The following KAT6B variants were observed in gnomAD, a reference collection of about 807,000 sequenced individuals.
The protein encoded by KAT6B is lysine acetyltransferase 6B.
A neutral mutation model predicts 187.5 loss-of-function variants in KAT6B; 10 were observed. The ratio of observed to expected loss-of-function variants is 0.05; its 90% CI spans 0.03 to 0.09. The LOEUF is 0.09. Among genes scored for constraint, KAT6B ranks in the 10% least tolerant of loss-of-function variants. The pLI, the probability that KAT6B is intolerant of heterozygous loss-of-function variation, is 1.00. For missense variants in KAT6B, 1,952 were observed against 2,558.9 expected, an observed-to-expected ratio of 0.76 and a Z score of 5.12; for synonymous variants, 861 against 926.8, an observed-to-expected ratio of 0.93 and a Z score of 1.29.
At chr10:75,006,999 C>T (rs945921699) in intron 13 of KAT6B, among the ~76,000 whole-genome samples, 8 of 147,798 alleles carry the variant, frequency 5.4e-5, no homozygotes, top group African/African-American at 1.0e-4. Context: ...ACCCGGGAGG[C>T]GGAGGTTGCA....
At chr10:74,946,569 CAG>C (rs1839964395) in intron 3 of KAT6B, among the ~76,000 whole-genome samples, 1 of 152,114 alleles carries the variant, frequency 6.6e-6, no homozygotes, top group African/African-American at 2.4e-5. Flanking sequence ...GAAATACTGA[CAG>C]ATACAACAAT....
At chr10:74,987,928 A>G (rs1458102514) in intron 12 of KAT6B, among the ~76,000 whole-genome samples, 2 of 152,232 alleles carry the variant, frequency 1.3e-5, no homozygotes, top group East Asian at 3.8e-4. Flanking sequence ...AGTGAGGGAC[A>G]ATTCATCTTC....
intron 13 of KAT6B, among the ~76,000 whole-genome samples, chr10:75,009,802 T>A (rs1366049233): frequency 6.6e-6 from 1 of 152,270 alleles, no homozygotes; most frequent in Non-Finnish European, 1.5e-5. Flanking sequence ...GGTCAGGAGT[T>A]CGAGACCAGC....
At chr10:74,853,306 T>C (rs1842605457) in intron 3 of KAT6B, among the ~76,000 whole-genome samples, 1 of 151,534 alleles carries the variant, frequency 6.6e-6, no homozygotes, top group South Asian at 2.1e-4. Context: ...TTTTCTTTTT[T>C]TTGAGACAGT....
intron 13 of KAT6B, among the ~76,000 whole-genome samples, chr10:75,008,788 G>A (rs1029324908): frequency 2.0e-5 from 3 of 152,176 alleles, no homozygotes; most frequent in Non-Finnish European, 4.4e-5. Flanking sequence ...TGAAGAGGAA[G>A]AGAAATTACC....
intron 3 of KAT6B, among the ~76,000 whole-genome samples, chr10:74,875,380 G>A (rs1844338989): frequency 6.6e-6 from 1 of 152,012 alleles, no homozygotes; most frequent in Admixed American, 6.6e-5. Flanking sequence ...AAGCAATCTT[G>A]AATAGTGAGG....
At chr10:74,834,293 G>T (rs1841104843) in intron 1 of KAT6B, among the ~76,000 whole-genome samples, 2 of 151,970 alleles carry the variant, frequency 1.3e-5, no homozygotes, top group South Asian at 4.2e-4. Context: ...CACCTCCGGG[G>T]TTCAAGCAAT....
chr10:74,972,662 G>T (rs758844578), intron 7 of KAT6B, 23 bp downstream of exon 7: 1 of 1,604,428 alleles, frequency 6.2e-7, no homozygotes, highest in Non-Finnish European at 8.5e-7. Flanking sequence ...CTTATCAAAA[G>T]AAATCATTTA....
At chr10:74,909,881 G>C (rs1847066242) in intron 3 of KAT6B, among the ~76,000 whole-genome samples, 1 of 152,100 alleles carries the variant, frequency 6.6e-6, no homozygotes, top group Admixed American at 6.6e-5. Context: ...TTAGATTTCA[G>C]TCATGTATGT....
intron 9 of KAT6B, among the ~76,000 whole-genome samples, chr10:74,978,876 C>G (rs144427228): frequency 6.6e-6 from 1 of 152,334 alleles, no homozygotes; most frequent in African/African-American, 2.4e-5. Flanking sequence ...TAATCTGTTA[C>G]AACAGATTGT....
chr10:75,030,544 T>A lies in KAT6B; in HGVS notation c.5720T>A (p.Ile1907Asn). ...AACATGGCTGCATCAAATATTGGCA[T>A]CTCTCACAGCCAAAGACTGCAAACC... Reference protein sequence around the residue: ...QRNMAASNIGISHSQRLQTQI... With the variant: ...QRNMAASNIGNSHSQRLQTQI... Residue 1907 changes from isoleucine (I) to asparagine (N), a missense_variant, in exon 18 of 18, where the codon ATC becomes AAC. By Grantham distance (149) the Ile-to-Asn change is moderately radical. Transcript: ENST00000287239. This position sits in a 1 kb window ranked among gnomAD's most constrained non-coding sequence, Gnocchi z 4.8. 6.2e-7 allele frequency: 1 copy of A among 1,607,488 alleles called. No homozygotes were observed. The highest frequency in any genetic ancestry group is 8.5e-7 in the Non-Finnish European group (1 of 1,174,906).
intron 3 of KAT6B, among the ~76,000 whole-genome samples, chr10:74,947,523 C>T (rs192623506): frequency 3.9e-5 from 6 of 152,276 alleles, no homozygotes; most frequent in Non-Finnish European, 8.8e-5. Context: ...AATCAAACAT[C>T]TACTGTGTGT....
intron 17 of KAT6B, chr10:75,025,772 C>G (rs142372454): frequency 0.01 from 1,679 of 162,340 alleles, 12 homozygotes; most frequent in Non-Finnish European, 0.017. Context: ...CACCTGTAAT[C>G]CCAGCACTTT....
chr10:75,025,007 A>T lies in KAT6B; in HGVS notation c.3422A>T (p.Asn1141Ile). 1 of 1,614,254 alleles carries T rather than the reference A, an allele frequency of 6.2e-7. No individual in the cohort carries two copies. Among genetic ancestry groups the T allele is most frequent in the East Asian group, 2.2e-5 (1 of 44,882 alleles). ...AGGGGTCGTAAACGCAGGAGGATCA[A>T]CAGCAGTGTAACAACAGAGACCATT... Reference protein sequence around the residue: ...KKRGRKRRRINSSVTTETISE... With the variant: ...KKRGRKRRRIISSVTTETISE... The change falls in exon 17 of 18, where the codon AAC (asparagine) becomes ATC (isoleucine). Residue 1141 changes from asparagine (N) to isoleucine (I), a missense_variant. Physicochemically the swap from Asn to Ile is moderately radical, Grantham distance 149 (BLOSUM62 -3). Transcript: ENST00000287239.
At chr10:74,937,249 A>G (rs1227614177) in intron 3 of KAT6B, among the ~76,000 whole-genome samples, 1 of 152,144 alleles carries the variant, frequency 6.6e-6, no homozygotes, top group Non-Finnish European at 1.5e-5. Context: ...AATATGCTGG[A>G]ATTCATATTG....
chr10:74,865,604 C>T (rs1284830818), intron 3 of KAT6B, among the ~76,000 whole-genome samples: 1 of 151,992 alleles, frequency 6.6e-6, no homozygotes, highest in Non-Finnish European at 1.5e-5. Context: ...TAATCTCCAC[C>T]TCCCAGGCTC....
intron 13 of KAT6B, among the ~76,000 whole-genome samples, chr10:75,013,925 G>T (rs562010576): frequency 2.6e-5 from 4 of 152,106 alleles, no homozygotes; most frequent in Non-Finnish European, 5.9e-5. Flanking sequence ...ACGATCTGTC[G>T]TATTGTATGC....
At chr10:75,011,406 A>G (rs1275820886) in intron 13 of KAT6B, among the ~76,000 whole-genome samples, 1 of 152,218 alleles carries the variant, frequency 6.6e-6, no homozygotes, top group East Asian at 1.9e-4. Flanking sequence ...GCTGAAGGCC[A>G]TAGCACTGGG....
chr10:74,845,521 C>CAAA (rs71024526), intron 3 of KAT6B, among the ~76,000 whole-genome samples: 77 of 64,660 alleles, frequency 1.2e-3, no homozygotes, highest in African/African-American at 3.3e-3. Context: ...GACTCTGTCT[C>CAAA]AAAAAAAAAA....
Sources: allele counts gnomAD v4.1 joint callset (sites outside exome capture counted in the v4.1 genomes callset), GRCh38; gene constraint gnomAD v4.1.1; non-coding constraint Gnocchi (gnomAD v3.1); transcripts MANE v1.5; gene names NCBI Gene and HGNC (gene_info 2026-07-23, HGNC 2026-07-21).